Variants in CFAP20DC observed in about 807,000 individuals in gnomAD.
CFAP20DC encodes the protein CFAP20 domain containing.
Under a neutral mutation model 101.7 loss-of-function variants are expected in CFAP20DC, and 84 were observed. The ratio of observed to expected loss-of-function variants is 0.83; its 90% CI spans 0.69 to 0.99. The LOEUF (loss-of-function observed/expected upper bound fraction) is 0.99, where lower values mean the gene tolerates loss of function less well. CFAP20DC is among the 50% of genes least tolerant of loss of function. CFAP20DC has a pLI of 0.00. For missense variants in CFAP20DC, 1,007 were observed against 970.3 expected (o/e 1.04, Z -0.50); for synonymous variants, 359 against 351.2 (o/e 1.02, Z -0.25).
At chr3:58,887,135 A>G (rs1559768466) in intron 6 of CFAP20DC, among the ~76,000 whole-genome samples, 1 of 152,214 alleles carries the variant, frequency 6.6e-6, no homozygotes, top group Non-Finnish European at 1.5e-5. Flanking sequence ...AAATGTCCTA[A>G]TGCTCTAGTC....
chr3:58,950,055 T>C (rs1428997154), intron 4 of CFAP20DC, among the ~76,000 whole-genome samples: 1 of 152,200 alleles, frequency 6.6e-6, no homozygotes, highest in African/African-American at 2.4e-5. Flanking sequence ...CTTAAGCTGA[T>C]AGGCAACTTC....
chr3:59,030,871 T>C (rs2093979998), intron 4 of CFAP20DC, among the ~76,000 whole-genome samples: 1 of 152,204 alleles, frequency 6.6e-6, no homozygotes, highest in African/African-American at 2.4e-5. Flanking sequence ...TCACCCAGGC[T>C]GGAGTGCAGT....
chr3:59,020,847 C>T (rs890680507), intron 4 of CFAP20DC, among the ~76,000 whole-genome samples: 4 of 152,098 alleles, frequency 2.6e-5, no homozygotes, highest in Admixed American at 6.6e-5. Context: ...AAGACCCAGA[C>T]CAGATACATA....
chr3:58,845,432 G>C (rs1284223378), intron 13 of CFAP20DC, among the ~76,000 whole-genome samples: 12 of 151,500 alleles, frequency 7.9e-5, no homozygotes, highest in Non-Finnish European at 1.2e-4. Context: ...ATAAATTCCT[G>C]GACACATACA....
At chr3:59,034,268 T>C (rs1050858109) in intron 4 of CFAP20DC, among the ~76,000 whole-genome samples, 1 of 152,192 alleles carries the variant, frequency 6.6e-6, no homozygotes, top group African/African-American at 2.4e-5. Flanking sequence ...TCATTGACAC[T>C]ATGAAGAAAT....
chr3:58,930,264 C>T (rs147660456), intron 5 of CFAP20DC, among the ~76,000 whole-genome samples: 1 of 152,298 alleles, frequency 6.6e-6, no homozygotes, highest in Non-Finnish European at 1.5e-5. Flanking sequence ...TCCTCACTAA[C>T]CCTAATCTGG....
chr3:58,717,582 T>C lies in CFAP20DC; in HGVS notation c.*6A>G. On this transcript the variant is annotated 3_prime_UTR_variant, in exon 4 of 4. Transcript: ENST00000486145. The surrounding 1 kb of genome is among the most constrained non-coding windows in gnomAD (Gnocchi z 4.1). ...TCCTGATATCTTTAGAGTGTGAGTT[T>C]TGCCTTCACAGTTGCAAAATGGCTG... 2.2e-6 allele frequency: 1 copy of C among 454,300 alleles called. No individual in the cohort carries two copies. Among genetic ancestry groups the C allele is most frequent in the Non-Finnish European group, 4.4e-6 (1 of 226,424 alleles). The allele number at this position is 454,300 out of a possible 1,614,324, so 28.1% of individuals were successfully genotyped here.
At chr3:58,968,292 T>C (rs556201885) in intron 4 of CFAP20DC, among the ~76,000 whole-genome samples, 11 of 152,176 alleles carry the variant, frequency 7.2e-5, no homozygotes, top group Non-Finnish European at 1.5e-4. Context: ...ACCATACTGC[T>C]TTCCACAATG....
chr3:58,982,541 T>C lies in CFAP20DC; in HGVS notation c.279-44779A>G, dbSNP rs1576587511. Among the ~76,000 whole-genome samples, 4 of 151,042 alleles carry C rather than the reference T, an allele frequency of 2.6e-5. No individual in the cohort carries two copies. The East Asian group carries it at 7.8e-4, about 29-fold the overall frequency. ...CTATGCAGCCATAAAAAATGAAGAG[T>C]TCATGTCCTTTGTAGGGACATGGAT... On this transcript the variant is annotated intron_variant, in intron 4 of 16. Transcript: ENST00000482387.
chr3:58,869,280 C>T lies in CFAP20DC; in HGVS notation c.1015+48G>A, dbSNP rs1390704468. The T allele has an allele frequency of 2.8e-6, 4 of 1,446,326 alleles. No homozygotes were observed. The highest frequency in any genetic ancestry group is 4.7e-5 in the East Asian group (2 of 42,196). 89.6% of individuals were successfully genotyped at this position (1,446,326 alleles called of 1,614,324 possible). On this transcript the variant is annotated intron_variant, in intron 9 of 16. Coordinates refer to ENST00000482387, the MANE Select transcript of CFAP20DC (RefSeq NM_001394063.1). This position sits in a 1 kb window ranked among gnomAD's most constrained non-coding sequence, Gnocchi z 4.3. The stretch of plus-strand genomic sequence containing the variant: ...CTGATTTATCTTAACAAGAACATTT[C>T]TCACTATTTTCACTAGCTATCAATC...
chr3:58,899,854 A>T lies in CFAP20DC; in HGVS notation c.550+13854T>A, dbSNP rs1182513029. On this transcript the variant is annotated intron_variant, in intron 6 of 16. Coordinates refer to ENST00000482387, the MANE Select transcript of CFAP20DC (RefSeq NM_001394063.1). The surrounding 1 kb of genome is among the most constrained non-coding windows in gnomAD (Gnocchi z 5.0). ...CTGGATATTTCAGCTGAGGGTGCTG[A>T]ACTCACTTGCCACTTTCACTCCTCT... is the stretch of plus-strand genomic sequence containing the variant. Among the ~76,000 whole-genome samples the T allele has an allele frequency of 6.6e-6, 1 of 152,114 alleles. No homozygotes were observed. The highest frequency in any genetic ancestry group is 1.5e-5 in the Non-Finnish European group (1 of 68,014).
intron 5 of CFAP20DC, among the ~76,000 whole-genome samples, chr3:58,928,082 C>T (rs1324502084): frequency 6.6e-6 from 1 of 152,112 alleles, no homozygotes; most frequent in Non-Finnish European, 1.5e-5. Context: ...TCAGGAGATA[C>T]ATTAAGATTT....
At chr3:58,758,551 A>ATTTC (rs1559548956) in intron 15 of CFAP20DC, among the ~76,000 whole-genome samples, 4 of 151,932 alleles carry the variant, frequency 2.6e-5, no homozygotes, top group African/African-American at 9.7e-5. Flanking sequence ...TTATTTATTT[A>ATTTC]TTATACTTTA....
At chr3:58,819,792 T>G (rs1217868549) in intron 14 of CFAP20DC, among the ~76,000 whole-genome samples, 2 of 148,642 alleles carry the variant, frequency 1.3e-5, no homozygotes, top group African/African-American at 5.0e-5. Flanking sequence ...ACTCATTTTA[T>G]GAGGCCAGCA....
chr3:58,840,715 A>G (rs1018972753), intron 13 of CFAP20DC, among the ~76,000 whole-genome samples: 1 of 152,226 alleles, frequency 6.6e-6, no homozygotes, highest in African/African-American at 2.4e-5. Flanking sequence ...ACTGGTTTAT[A>G]TTTCTGCCTA....
At chr3:58,996,453 T>G (rs1052733472) in intron 4 of CFAP20DC, among the ~76,000 whole-genome samples, 2 of 152,240 alleles carry the variant, frequency 1.3e-5, no homozygotes, top group South Asian at 2.1e-4. Flanking sequence ...AAGATACAGA[T>G]AGATTACAAA....
chr3:58,976,472 C>G (rs2092282119), intron 4 of CFAP20DC, among the ~76,000 whole-genome samples: 1 of 152,166 alleles, frequency 6.6e-6, no homozygotes, highest in Non-Finnish European at 1.5e-5. Flanking sequence ...CCATTTTTGC[C>G]ATCACCTGTG....
chr3:58,903,069 T>C (rs2083287493), intron 6 of CFAP20DC, among the ~76,000 whole-genome samples: 1 of 152,182 alleles, frequency 6.6e-6, no homozygotes, highest in African/African-American at 2.4e-5. Context: ...ATCAGATATA[T>C]GATTTGCAAA....
intron 4 of CFAP20DC, chr3:59,018,760 T>C (rs1050627738): frequency 6.6e-6 from 1 of 152,138 alleles, no homozygotes; most frequent in Non-Finnish European, 1.5e-5. Context: ...TGAAGGACAG[T>C]ATGTCTATAT....
Sources: allele counts gnomAD v4.1 joint callset (sites outside exome capture counted in the v4.1 genomes callset), GRCh38; gene constraint gnomAD v4.1.1; non-coding constraint Gnocchi (gnomAD v3.1); transcripts MANE v1.5; gene names NCBI Gene and HGNC (gene_info 2026-07-23, HGNC 2026-07-21).